The following CCDC43 variants were observed in gnomAD, a reference collection of about 807,000 sequenced individuals.
CCDC43 encodes the protein coiled-coil domain containing 43, also known as coiled-coil domain-containing protein 43.
CCDC43 carries 20 observed loss-of-function variants against 33.3 expected under a neutral mutation model. The ratio of observed to expected loss-of-function variants is 0.60; its 90% confidence interval spans 0.42 to 0.87. The LOEUF (loss-of-function observed/expected upper bound fraction) is 0.87. CCDC43 is among the 40% of genes least tolerant of loss of function. CCDC43 has a pLI of 0.00. For synonymous variants in CCDC43, 104 were observed against 106.5 expected (o/e 0.98, Z 0.14); for missense variants, 248 against 269.9 (o/e 0.92, Z 0.57).
rs1273272693 is a variant in CCDC43 at position 44,680,663 on chromosome 17, G to T, written c.429-20C>A. The T allele has an allele frequency of 6.3e-7, 1 of 1,593,236 alleles. No homozygotes were observed. The highest frequency in any genetic ancestry group is 8.6e-7 in the Non-Finnish European group (1 of 1,161,970). On this transcript the variant is annotated intron_variant, in intron 3 of 4. Coordinates refer to ENST00000315286, the MANE Select transcript of CCDC43 (RefSeq NM_144609.3). ...GCTTCAGTAAGTGATGTTAAGGAAA[G>T]TCAGATGGAAAACAACATCCCAACC...
intron 3 of CCDC43, 143 bp downstream of exon 3, chr17:44,681,860 C>T: frequency 1.1e-6 from 1 of 901,004 alleles, no homozygotes. Context: ...CGCATATCCA[C>T]AAAGGGCCAT....
intron 4 of CCDC43, 47 bp downstream of exon 4, chr17:44,680,538 A>T: frequency 7.2e-7 from 1 of 1,380,652 alleles, no homozygotes; most frequent in Non-Finnish European, 1.0e-6. Flanking sequence ...AACTGATCTC[A>T]AGAGGACTCT....
chr17:44,680,776 C>T, intron 3 of CCDC43, 133 bp from the exon 4 acceptor site: 2 of 641,756 alleles, frequency 3.1e-6, no homozygotes, highest in Admixed American at 4.0e-5. Context: ...GCGATAAACC[C>T]AGGAGATTCA....
intron 1 of CCDC43, chr17:44,687,764 C>T (rs1171563484): frequency 1.3e-5 from 2 of 152,154 alleles, no homozygotes; most frequent in Non-Finnish European, 2.9e-5. Flanking sequence ...TAAAAACTAC[C>T]TTAAATTGCT....
chr17:44,687,449 T>C (rs1972255044), intron 1 of CCDC43, among the ~76,000 whole-genome samples: 1 of 123,142 alleles, frequency 8.1e-6, no homozygotes, highest in African/African-American at 2.5e-5. Flanking sequence ...AAATAAAACA[T>C]AAAACATAAA....
At chr17:44,687,671 G>A (rs948976723) in intron 1 of CCDC43, 2 of 151,706 alleles carry the variant, frequency 1.3e-5, no homozygotes, top group Admixed American at 1.3e-4. Context: ...AATAATGATG[G>A]ACTGATCAAG....
At chr17:44,687,095 C>T (rs1275419485) in intron 1 of CCDC43, among the ~76,000 whole-genome samples, 1 of 151,990 alleles carries the variant, frequency 6.6e-6, no homozygotes, top group Non-Finnish European at 1.5e-5. Context: ...ATAAGACCAC[C>T]CTGAGCAACA....
chr17:44,678,859 T>A lies in CCDC43; in HGVS notation c.672A>T (p.Arg224=). The A allele has an allele frequency of 6.2e-7, 1 of 1,613,188 alleles. No homozygotes were observed. The highest frequency in any genetic ancestry group is 8.5e-7 in the Non-Finnish European group (1 of 1,179,506). ...GAAAGAATAGAGTAGGCCAAGGTTA[T>A]CGCTTTCGCTCCCCTCTCTGTGTCC... is the stretch of plus-strand genomic sequence containing the variant. ...KKRTQRGERK[R] The change falls in exon 5 of 5, where the codon CGA becomes CGT. Residue 224 remains arginine (R), a synonymous_variant. Transcript: ENST00000315286.
At chr17:44,681,403 A>G (rs1461571734) in intron 3 of CCDC43, among the ~76,000 whole-genome samples, 2 of 152,110 alleles carry the variant, frequency 1.3e-5, no homozygotes, top group African/African-American at 4.8e-5. Flanking sequence ...GTACCACTGC[A>G]CTCCAGCCTA....
At position 44,680,636 on chromosome 17, in the gene CCDC43, C is replaced by T. The variant is rs1337345513; in HGVS notation, c.436G>A (p.Asp146Asn). ...ADVTDEEDEA[D>N]EKDDSGATTM... ...GTAGCACCTGAATCATCCTTCTCAT[C>T]TGCTTCAGTAAGTGATGTTAAGGAA... The change falls in exon 4 of 5, where the codon GAT (aspartate) becomes AAT (asparagine). Residue 146 changes from aspartate (D) to asparagine (N), a missense_variant. Asp to Asn is a conservative substitution (Grantham distance 23). Coordinates refer to ENST00000315286, the MANE Select transcript of CCDC43 (RefSeq NM_144609.3). The T allele has an allele frequency of 6.2e-7, 1 of 1,607,728 alleles. No individual in the cohort carries two copies. The highest frequency in any genetic ancestry group is 2.2e-5 in the East Asian group (1 of 44,740).
intron 4 of CCDC43, among the ~76,000 whole-genome samples, chr17:44,679,987 T>G (rs1254100744): frequency 6.6e-6 from 1 of 152,110 alleles, no homozygotes. Context: ...ATTATTTTAT[T>G]ATTTTTTGAG....
chr17:44,684,466 G>A (rs1972207031), intron 1 of CCDC43, among the ~76,000 whole-genome samples: 1 of 152,118 alleles, frequency 6.6e-6, no homozygotes, highest in Non-Finnish European at 1.5e-5. Flanking sequence ...GGGAGGCTGA[G>A]GAGGGCGGAT....
chr17:44,682,728 C>A (rs573293389), intron 2 of CCDC43, among the ~76,000 whole-genome samples: 1 of 152,020 alleles, frequency 6.6e-6, no homozygotes, highest in South Asian at 2.1e-4. Context: ...TGGTGACGGG[C>A]GCCTGTAGTC....
At chr17:44,685,246 CCT>C (rs1223280379) in intron 1 of CCDC43, among the ~76,000 whole-genome samples, 2 of 152,172 alleles carry the variant, frequency 1.3e-5, no homozygotes, top group Non-Finnish European at 2.9e-5. Context: ...AGTCAAAACT[CCT>C]CTGTGAAATA....
chr17:44,678,589 G>T lies in CCDC43; in HGVS notation c.*267C>A, dbSNP rs903093826. 1 of 312,406 alleles carries T rather than the reference G, an allele frequency of 3.2e-6. No homozygotes were observed. Among genetic ancestry groups the T allele is most frequent in the African/African-American group, 2.1e-5 (1 of 46,758 alleles). The allele number at this position is 312,406 out of a possible 1,614,324, so 19.4% of individuals were successfully genotyped here. On this transcript the variant is annotated 3_prime_UTR_variant, in exon 5 of 5. Transcript: ENST00000315286. ...GGAAGACTTTTTAAAGTGGCCAAAA[G>T]GAGCACAGGACTTGAGTATTAAAAT... is the stretch of plus-strand genomic sequence containing the variant.
intron 2 of CCDC43, among the ~76,000 whole-genome samples, chr17:44,682,664 C>T (rs1972179925): frequency 2.0e-5 from 3 of 151,978 alleles, no homozygotes; most frequent in Admixed American, 6.6e-5. Context: ...GAGACCATCC[C>T]GGCTAACACA....
chr17:44,686,526 C>T (rs536195838), intron 1 of CCDC43, among the ~76,000 whole-genome samples: 6 of 152,298 alleles, frequency 3.9e-5, no homozygotes, highest in East Asian at 1.9e-4. Flanking sequence ...CAAAAGAGAA[C>T]GGGAACTCTT....
intron 2 of CCDC43, 146 bp downstream of exon 2, chr17:44,683,726 A>G (rs1175501006): frequency 1.7e-6 from 1 of 580,736 alleles, no homozygotes; most frequent in Non-Finnish European, 3.1e-6. Context: ...TAAAGGTAAC[A>G]CAGGCTGTTG....
At chr17:44,689,470 G>A (rs1403389283) in intron 1 of CCDC43, 80 bp downstream of exon 1, 1 of 1,578,168 alleles carries the variant, frequency 6.3e-7, no homozygotes, top group Non-Finnish European at 8.6e-7. Context: ...GGGATACCCG[G>A]TAGGGGAGGG....
Sources: allele counts gnomAD v4.1 joint callset (sites outside exome capture counted in the v4.1 genomes callset), GRCh38; gene constraint gnomAD v4.1.1; transcripts MANE v1.5; gene names NCBI Gene and HGNC (gene_info 2026-07-23, HGNC 2026-07-21).